TNFRSF11B: variants seen among roughly 807,000 people sequenced by gnomAD.
TNFRSF11B encodes TNF receptor superfamily member 11b.
A neutral mutation model predicts 43.4 loss-of-function variants in TNFRSF11B; 16 were observed. That is an observed-to-expected ratio of 0.37 (90% CI 0.25 to 0.56). The LOEUF (loss-of-function observed/expected upper bound fraction) is 0.56, where lower values mean the gene tolerates loss of function less well. Among genes scored for constraint, TNFRSF11B ranks in the 20% least tolerant of loss-of-function variants. The pLI is 0.80. For missense variants in TNFRSF11B, 444 were observed against 490.1 expected (o/e 0.91, Z 0.89); for synonymous variants, 185 against 181.8 (o/e 1.02, Z -0.14).
chr8:118,932,705 T>C (rs1164502255), intron 2 of TNFRSF11B, among the ~76,000 whole-genome samples: 7 of 152,046 alleles, frequency 4.6e-5, no homozygotes, highest in Non-Finnish European at 7.4e-5. Flanking sequence ...GAGAATAATT[T>C]GCTGCATTTG....
intron 1 of TNFRSF11B, among the ~76,000 whole-genome samples, chr8:118,940,178 C>G (rs373451081): frequency 6.6e-6 from 1 of 152,020 alleles, no homozygotes; most frequent in Non-Finnish European, 1.5e-5. Flanking sequence ...CAGGGCCTGT[C>G]GTGGGGTGGG....
chr8:118,933,717 T>G (rs1359013903), intron 1 of TNFRSF11B, among the ~76,000 whole-genome samples: 1 of 152,230 alleles, frequency 6.6e-6, no homozygotes, highest in Non-Finnish European at 1.5e-5. Context: ...GGGATTCATA[T>G]CCTTAAGTAT....
chr8:118,933,795 C>T (rs532398725), intron 1 of TNFRSF11B, among the ~76,000 whole-genome samples: 13 of 152,190 alleles, frequency 8.5e-5, no homozygotes, highest in South Asian at 2.1e-4. Flanking sequence ...GTGTTTCTGA[C>T]GCCTGGGATG....
chr8:118,949,812 A>T (rs1052588500), intron 1 of TNFRSF11B, among the ~76,000 whole-genome samples: 2 of 152,238 alleles, frequency 1.3e-5, no homozygotes, highest in African/African-American at 4.8e-5. Context: ...CATTATAAAG[A>T]AATAAATATC....
chr8:118,928,692 A>G (rs748218050), intron 3 of TNFRSF11B, 46 bp downstream of exon 3: 24 of 1,584,642 alleles, frequency 1.5e-5, no homozygotes, highest in Non-Finnish European at 2.1e-5. Context: ...AGAGAGAGAG[A>G]TGATACTACA....
intron 1 of TNFRSF11B, among the ~76,000 whole-genome samples, chr8:118,947,227 ATT>A (rs1279558216): frequency 3.3e-5 from 1 of 30,158 alleles, no homozygotes; most frequent in East Asian, 1.3e-3. Context: ...AGTAAGCTAA[ATT>A]CTGTTGGAAC....
Position 118,933,074 on chromosome 8 carries a change from A to G in TNFRSF11B, c.257T>C (p.Val86Ala), listed in dbSNP as rs1307278915. ...TSDECLYCSP[V>A]CKELQYVKQE... ...CTTGACGTACTGCAGCTCCTTGCACACGGGGCTGCAGTATAGACACTCGTC... is the reference window on the plus strand; with the variant it reads ...CTTGACGTACTGCAGCTCCTTGCACGCGGGGCTGCAGTATAGACACTCGTC... The change falls in exon 2 of 5, where the codon GTG becomes GCG. Residue 86 changes from valine to alanine, a missense_variant. Val to Ala is a moderately conservative substitution (Grantham distance 64, BLOSUM62 0). Coordinates refer to ENST00000297350, the MANE Select transcript of TNFRSF11B (RefSeq NM_002546.4). 6.2e-7 allele frequency: 1 copy of G among 1,614,036 alleles called. No individual in the cohort carries two copies. The highest frequency in any genetic ancestry group is 8.5e-7 in the Non-Finnish European group (1 of 1,180,048).
At chr8:118,932,445 C>T (rs1265059664) in intron 2 of TNFRSF11B, among the ~76,000 whole-genome samples, 1 of 152,142 alleles carries the variant, frequency 6.6e-6, no homozygotes, top group Admixed American at 6.5e-5. Flanking sequence ...TAATGAAATG[C>T]AATTCCCCTC....
At chr8:118,938,811 C>A (rs2004035573) in intron 1 of TNFRSF11B, among the ~76,000 whole-genome samples, 1 of 152,202 alleles carries the variant, frequency 6.6e-6, no homozygotes, top group Admixed American at 6.5e-5. Context: ...TCCTAAAAAA[C>A]AAAAGAATAC....
chr8:118,947,074 A>G lies in TNFRSF11B; in HGVS notation c.30+4718T>C, dbSNP rs561304510. On this transcript the variant is annotated intron_variant, in intron 1 of 4. Transcript: ENST00000297350. ...CTGGTACATTTTTGTTACTGGCTTA[A>G]GAATGGGCTTTTGTGAAGGTATTGA... 1.3e-3 allele frequency among the ~76,000 whole-genome samples: 199 copies of G among 152,328 alleles called. 3 individuals are homozygous for G. The highest frequency in any genetic ancestry group is 4.6e-3 in the African/African-American group (190 of 41,586).
chr8:118,942,945 C>T (rs1812509294), intron 1 of TNFRSF11B, among the ~76,000 whole-genome samples: 1 of 152,102 alleles, frequency 6.6e-6, no homozygotes, highest in African/African-American at 2.4e-5. Context: ...ACCTATTTGA[C>T]CATCCGTCTG....
At chr8:118,935,589 C>T (rs1982763) in intron 1 of TNFRSF11B, among the ~76,000 whole-genome samples, 57,835 of 151,800 alleles carry the variant, frequency 0.38, 11,657 homozygotes, top group Non-Finnish European at 0.45. Context: ...ATTAATTCTC[C>T]TATAATATAT....
At chr8:118,941,755 GA>G (rs1812491397) in intron 1 of TNFRSF11B, among the ~76,000 whole-genome samples, 1 of 152,146 alleles carries the variant, frequency 6.6e-6, no homozygotes, top group African/African-American at 2.4e-5. Flanking sequence ...AAATCTCTGA[GA>G]AAAGAGAACT....
At position 118,926,499 on chromosome 8, in the gene TNFRSF11B, A is replaced by T. The variant is rs558927039; in HGVS notation, c.812T>A (p.Ile271Asn). The change falls in exon 4 of 5, where the codon ATC becomes AAC. Residue 271 changes from isoleucine to asparagine, a missense_variant. Transcript: ENST00000297350. ...NKDQDIVKKI[I>N]QDIDLCENSV... ...TTTATTTTAGATTATCATACCTTGGATGATCTTCTTGACTATATCTTGGTC... is the reference window on the plus strand; with the variant it reads ...TTTATTTTAGATTATCATACCTTGGTTGATCTTCTTGACTATATCTTGGTC... The T allele has an allele frequency of 6.2e-7, 1 of 1,612,282 alleles. No individual in the cohort carries two copies. Among genetic ancestry groups the T allele is most frequent in the Non-Finnish European group, 8.5e-7 (1 of 1,178,490 alleles).
At chr8:118,939,603 G>A (rs1428374153) in intron 1 of TNFRSF11B, among the ~76,000 whole-genome samples, 3 of 152,134 alleles carry the variant, frequency 2.0e-5, no homozygotes, top group African/African-American at 7.2e-5. Flanking sequence ...GTAGGTATGT[G>A]GTGTTGCCAT....
At chr8:118,949,859 T>A (rs1812616164) in intron 1 of TNFRSF11B, among the ~76,000 whole-genome samples, 1 of 152,194 alleles carries the variant, frequency 6.6e-6, no homozygotes, top group Non-Finnish European at 1.5e-5. Context: ...CACCTTGGTT[T>A]TACAAAAGGG....
chr8:118,939,335 G>T (rs1367610241), intron 1 of TNFRSF11B, among the ~76,000 whole-genome samples: 1 of 152,060 alleles, frequency 6.6e-6, no homozygotes, highest in Admixed American at 6.6e-5. Flanking sequence ...TGACTAAGTG[G>T]AGTTGAATAA....
chr8:118,938,124 A>T (rs1042851971), intron 1 of TNFRSF11B, among the ~76,000 whole-genome samples: 3 of 152,078 alleles, frequency 2.0e-5, no homozygotes, highest in African/African-American at 7.2e-5. Context: ...GAGTATTTTG[A>T]ACATGGAATT....
At position 118,924,357 on chromosome 8, in the gene TNFRSF11B, T is replaced by C; in HGVS notation, c.*17A>G. 1 of 1,613,706 alleles carries C rather than the reference T, an allele frequency of 6.2e-7. No individual in the cohort carries two copies. Among genetic ancestry groups the C allele is most frequent in the Non-Finnish European group, 8.5e-7 (1 of 1,179,810 alleles). ...ATCTCGCCAATTGTGAGGAAACAGC[T>C]CAATGGCCATTTCCAGTTATAAGCA... On this transcript the variant is annotated 3_prime_UTR_variant, in exon 5 of 5. Transcript: ENST00000297350.
Sources: allele counts gnomAD v4.1 joint callset (sites outside exome capture counted in the v4.1 genomes callset), GRCh38; gene constraint gnomAD v4.1.1; transcripts MANE v1.5; gene names NCBI Gene and HGNC (gene_info 2026-07-23, HGNC 2026-07-21).